APH1B: variants seen among roughly 807,000 people sequenced by gnomAD.
The protein encoded by APH1B is aph-1B gamma-secretase subunit, also known as gamma-secretase subunit APH-1B.
A neutral mutation model predicts 28.2 loss-of-function variants in APH1B; 27 were observed. The observed-to-expected ratio is 0.96, with a 90% CI of 0.70 to 1.32. APH1B has a LOEUF of 1.32. Ranked by LOEUF, APH1B falls within the 40% of genes most tolerant of loss-of-function variation. The pLI is 0.00. For missense variants in APH1B, 305 were observed against 313.6 expected (o/e 0.97, Z 0.21); for synonymous variants, 141 against 124.6 (o/e 1.13, Z -0.88).
intron 4 of APH1B, among the ~76,000 whole-genome samples, chr15:63,299,667 G>A (rs984572035): frequency 2.6e-5 from 4 of 152,062 alleles, no homozygotes; most frequent in Admixed American, 6.6e-5. Context: ...GCCTCCCAAA[G>A]TGCTGGGATT....
intron 4 of APH1B, among the ~76,000 whole-genome samples, chr15:63,301,624 G>A (rs1453222491): frequency 4.0e-5 from 6 of 150,040 alleles, no homozygotes; most frequent in African/African-American, 1.5e-4. Flanking sequence ...CTCTGTTGCC[G>A]AGGCTGGAGT....
rs1253777806 is a variant in APH1B, at chr15:63,304,978, A to G, written c.607-636A>G. 6.6e-6 allele frequency among the ~76,000 whole-genome samples: 1 copy of G among 152,192 alleles called. No homozygotes were observed. The highest frequency in any genetic ancestry group is 1.5e-5 in the Non-Finnish European group (1 of 68,030). On this transcript the variant is annotated intron_variant, in intron 5 of 5. Transcript: ENST00000261879. This position sits in a 1 kb window ranked among gnomAD's most constrained non-coding sequence, Gnocchi z 5.1. ...GGCCTTCTTTGACAGCCCTAAGGAG[A>G]TCACCTTGTTTTTACCCATCCTAGC...
rs1176982795 is a variant in APH1B, at chr15:63,302,473, G to A, written c.606+1G>A. The stretch of plus-strand genomic sequence containing the variant: ...GACCCACCTGCTGGTGTCAGCCCAG[G>A]TGAGTGTTGCCGCCATGCTCAGACT... On this transcript the variant is annotated splice_donor_variant, in intron 5 of 5. Transcript: ENST00000261879. LOFTEE classifies it high-confidence loss of function. 6.2e-7 allele frequency: 1 copy of A among 1,613,060 alleles called. No homozygotes were observed. The highest frequency in any genetic ancestry group is 8.5e-7 in the Non-Finnish European group (1 of 1,179,648).
intron 4 of APH1B, among the ~76,000 whole-genome samples, 198 bp downstream of exon 4, chr15:63,287,744 AT>A (rs888027906): frequency 6.6e-6 from 1 of 152,244 alleles, no homozygotes; most frequent in Non-Finnish European, 1.5e-5. Context: ...TTGGAGTGGA[AT>A]TTAGCTTGCG....
intron 2 of APH1B, among the ~76,000 whole-genome samples, chr15:63,281,329 CT>C (rs1002001354): frequency 5.9e-5 from 9 of 151,784 alleles, no homozygotes; most frequent in Non-Finnish European, 1.2e-4. Context: ...GCTGTTTGTT[CT>C]TTTTGGTCAG....
chr15:63,279,099 T>C, intron 1 of APH1B, 62 bp from the exon 2 acceptor site: 1 of 1,282,588 alleles, frequency 7.8e-7, no homozygotes, highest in Non-Finnish European at 1.0e-6. Context: ...TTTTTCCTGC[T>C]TTTAAACATT....
intron 4 of APH1B, among the ~76,000 whole-genome samples, chr15:63,300,457 A>G (rs1272786962): frequency 6.6e-6 from 1 of 152,176 alleles, no homozygotes; most frequent in Non-Finnish European, 1.5e-5. Context: ...TTAAAAAATC[A>G]GTGTTTCCAT....
chr15:63,294,475 A>T (rs1029162023), intron 4 of APH1B, among the ~76,000 whole-genome samples: 9 of 152,144 alleles, frequency 5.9e-5, no homozygotes, highest in Non-Finnish European at 1.0e-4. Flanking sequence ...GACCACTTGT[A>T]CCAGTTCACT....
rs558111791 is a variant in APH1B at position 63,304,527 on chromosome 15, A to G, written c.607-1087A>G. 4.0e-4 allele frequency among the ~76,000 whole-genome samples: 61 copies of G among 152,302 alleles called. 3 individuals are homozygous for G. Among genetic ancestry groups the G allele is most frequent in the African/African-American group, 1.5e-3 (61 of 41,570 alleles). On this transcript the variant is annotated intron_variant, in intron 5 of 5. Coordinates refer to ENST00000261879, the MANE Select transcript of APH1B (RefSeq NM_031301.4). The surrounding 1 kb of genome is among the most constrained non-coding windows in gnomAD (Gnocchi z 5.1). ...ATGTATTGCAGATAACTTCTGTGGCATGGTTTGTCTTTACATTCTCTTAAT... is the reference window on the plus strand; with the variant it reads ...ATGTATTGCAGATAACTTCTGTGGCGTGGTTTGTCTTTACATTCTCTTAAT...
intron 1 of APH1B, 47 bp downstream of exon 1, chr15:63,277,783 C>G (rs764763418): frequency 9.6e-6 from 15 of 1,566,272 alleles, no homozygotes; most frequent in Middle Eastern, 1.7e-4. Context: ...CTCCCCTCCC[C>G]CGCTGGGGTT....
At chr15:63,302,549 A>G in intron 5 of APH1B, 77 bp downstream of exon 5, 1 of 1,511,316 alleles carries the variant, frequency 6.6e-7, no homozygotes, top group Non-Finnish European at 8.9e-7. Flanking sequence ...TCTACTCTAG[A>G]TGAAATACAC....
rs962577275 is a variant in APH1B at position 63,307,414 on chromosome 15, A to C, written c.*1633A>C. 9.2e-5 allele frequency: 14 copies of C among 152,332 alleles called. No individual in the cohort carries two copies. The highest frequency in any genetic ancestry group is 7.2e-4 in the Admixed American group (11 of 15,298). 9.4% of individuals were successfully genotyped at this position (152,332 alleles called of 1,614,324 possible). A position where few individuals can be genotyped will look rare whatever the true frequency, so the allele number is the denominator to read the frequency against. On this transcript the variant is annotated 3_prime_UTR_variant, in exon 6 of 6. Transcript: ENST00000261879. ...TAAAAGAAGAGGAGGGCTTCTATCA[A>C]TGCTGTAAACAGTCTGATAAGCGAC...
At chr15:63,283,675 ATCAAAGTTTTTAATTTTGGTGAGGTT>A (rs2038413549) in intron 2 of APH1B, among the ~76,000 whole-genome samples, 4 of 152,184 alleles carry the variant, frequency 2.6e-5, no homozygotes, top group African/African-American at 9.7e-5. Context: ...CCTTTGTAGC[ATCAAAGTTTTTAATTTTGGTGAGGTT>A]CATCTGTTTA....
intron 4 of APH1B, among the ~76,000 whole-genome samples, chr15:63,292,795 C>A (rs745790082): frequency 1.3e-5 from 2 of 152,170 alleles, no homozygotes; most frequent in African/African-American, 2.4e-5. Context: ...ATGGATATGA[C>A]CTATCATAGT....
At position 63,302,459 on chromosome 15, in the gene APH1B, T is replaced by G. The variant is rs1346581801; in HGVS notation, c.593T>G (p.Leu198Arg). 6.2e-7 allele frequency: 1 copy of G among 1,613,768 alleles called. No individual in the cohort carries two copies. The highest frequency in any genetic ancestry group is 1.7e-5 in the Admixed American group (1 of 59,952). ...CTTATCGTTCTCCTGACCCACCTGC[T>G]GGTGTCAGCCCAGGTGAGTGTTGCC... ...ILLIVLLTHL[L>R]VSAQTFISSY... is the part of the protein sequence containing the mutation. The change falls in exon 5 of 6, where the codon CTG becomes CGG. Residue 198 changes from leucine (L) to arginine (R), a missense_variant. Transcript: ENST00000261879.
At chr15:63,281,745 C>T (rs905462456) in intron 2 of APH1B, among the ~76,000 whole-genome samples, 1 of 151,848 alleles carries the variant, frequency 6.6e-6, no homozygotes, top group African/African-American at 2.4e-5. Context: ...AACATAGATC[C>T]ACATTATTGT....
chr15:63,309,061 T>C lies in APH1B; in HGVS notation c.*3280T>C, dbSNP rs1259733537. ...ATCAGACCTTGCATTCAATATACAATGCAATTGACTCTTTGCAGACCTGCA... is the reference window on the plus strand; with the variant it reads ...ATCAGACCTTGCATTCAATATACAACGCAATTGACTCTTTGCAGACCTGCA... On this transcript the variant is annotated 3_prime_UTR_variant, in exon 6 of 6. Transcript: ENST00000261879. The C allele has an allele frequency of 2.6e-5, 4 of 152,228 alleles. No individual in the cohort carries two copies. Among genetic ancestry groups the C allele is most frequent in the Non-Finnish European group, 2.9e-5 (2 of 68,042 alleles). 9.4% of individuals were successfully genotyped at this position (152,228 alleles called of 1,614,324 possible).
chr15:63,292,033 A>G (rs1041761099), intron 4 of APH1B: 6 of 152,222 alleles, frequency 3.9e-5, no homozygotes, highest in East Asian at 1.9e-4. Flanking sequence ...ACTGTAACCC[A>G]ATACATTTTT....
rs113539776 is a variant in APH1B, at chr15:63,293,646, C to T, written c.478+6100C>T. Among the ~76,000 whole-genome samples, 540 of 152,108 alleles carry T rather than the reference C, an allele frequency of 3.6e-3. 4 individuals carry two copies. Among genetic ancestry groups the T allele is most frequent in the Middle Eastern group, 6.8e-3 (2 of 294 alleles). On this transcript the variant is annotated intron_variant, in intron 4 of 5. Coordinates refer to ENST00000261879, the MANE Select transcript of APH1B (RefSeq NM_031301.4). ...CTGAGTAGCTGGGATTACAGGAGTG[C>T]GCCACCCTGCGCAGCTGATTTTTGT...
Sources: gnomAD v4.1 joint callset for allele counts (sites outside exome capture counted in the v4.1 genomes callset) on GRCh38, gnomAD v4.1.1 for gene constraint, Gnocchi (gnomAD v3.1) non-coding constraint, MANE v1.5 for transcripts, NCBI Gene and HGNC (gene_info 2026-07-23, HGNC 2026-07-21) for gene names.